TRIM3: variants seen among roughly 807,000 people sequenced by gnomAD.
The protein encoded by TRIM3 is tripartite motif-containing protein 3.
Under a neutral mutation model 66.6 loss-of-function variants are expected in TRIM3, and 13 were observed. The observed-to-expected ratio is 0.20, with a 90% CI of 0.13 to 0.31. The LOEUF (loss-of-function observed/expected upper bound fraction) is 0.31, where lower values mean the gene tolerates loss of function less well. Among genes scored for constraint, TRIM3 ranks in the 10% least tolerant of loss-of-function variants. The probability of loss-of-function intolerance (pLI) is 1.00; values close to 1 mark genes in which losing one functional copy is unlikely to be tolerated. For missense variants in TRIM3, 711 were observed against 1,020.4 expected (o/e 0.70, Z 4.13); for synonymous variants, 406 against 411.7 (o/e 0.99, Z 0.17).
At chr11:6,466,129 A>G (rs1321584037) in intron 1 of TRIM3, among the ~76,000 whole-genome samples, 1 of 151,942 alleles carries the variant, frequency 6.6e-6, no homozygotes, top group Non-Finnish European at 1.5e-5. Context: ...ACCTCCCCCA[A>G]ATCCTCCTCC....
intron 1 of TRIM3, among the ~76,000 whole-genome samples, chr11:6,469,434 T>A (rs1008470177): frequency 6.6e-5 from 10 of 152,198 alleles, no homozygotes; most frequent in Non-Finnish European, 1.5e-4. Flanking sequence ...AGCTCTTCCA[T>A]CCCACTGTGC....
rs537393745 is a variant in TRIM3, at chr11:6,448,959, C to T, written c.*69G>A. On this transcript the variant is annotated 3_prime_UTR_variant, in exon 12 of 12. Transcript: ENST00000345851. The stretch of plus-strand genomic sequence containing the variant: ...GTGCTGCCAGGTCTGGCCCACCTCC[C>T]AGCCAGACCCTCTTGTCCAATCACC... 6.3e-7 allele frequency: 1 copy of T among 1,586,406 alleles called. No homozygotes were observed. Among genetic ancestry groups the T allele is most frequent in the South Asian group, 1.1e-5 (1 of 89,402 alleles).
chr11:6,450,923 C>G lies in TRIM3; in HGVS notation c.1839G>C (p.Gly613=). ...AGTGGCGGTCAGTGGCCCCACGGCCCCCAAAACGGCCAACCAGTTTGCCAT... is the reference window on the plus strand; with the variant it reads ...AGTGGCGGTCAGTGGCCCCACGGCCGCCAAAACGGCCAACCAGTTTGCCAT... ...QPNGKLVGRF[G]GRGATDRHFA... The change falls in exon 9 of 12, where the codon GGG becomes GGC. Residue 613 remains glycine, a synonymous_variant. Transcript: ENST00000345851. The surrounding 1 kb of genome is among the most constrained non-coding windows in gnomAD (Gnocchi z 4.8). 6.2e-7 allele frequency: 1 copy of G among 1,614,144 alleles called. No individual in the cohort carries two copies.
intron 2 of TRIM3, among the ~76,000 whole-genome samples, chr11:6,464,366 C>A (rs1225071876): frequency 2.0e-5 from 3 of 152,154 alleles, no homozygotes; most frequent in East Asian, 1.9e-4. Flanking sequence ...CTCTTCCAAC[C>A]CCCTTTACCT....
intron 1 of TRIM3, among the ~76,000 whole-genome samples, chr11:6,466,599 T>C (rs1436417769): frequency 6.6e-6 from 1 of 151,878 alleles, no homozygotes; most frequent in African/African-American, 2.4e-5. Flanking sequence ...CTGGGTTTTT[T>C]TTTTTTTTTT....
At chr11:6,454,791 G>A (rs182575269) in intron 7 of TRIM3, among the ~76,000 whole-genome samples, 3 of 152,290 alleles carry the variant, frequency 2.0e-5, no homozygotes, top group African/African-American at 4.8e-5. Context: ...AAAAGCAGGG[G>A]TCAGAGAGTA....
chr11:6,470,569 A>G (rs958626891), intron 1 of TRIM3, among the ~76,000 whole-genome samples: 6 of 152,166 alleles, frequency 3.9e-5, no homozygotes, highest in African/African-American at 9.7e-5. Context: ...GCACCCAGCT[A>G]GAGTTCACTG....
chr11:6,467,800 A>AG (rs887300944), intron 1 of TRIM3, among the ~76,000 whole-genome samples: 2 of 152,014 alleles, frequency 1.3e-5, no homozygotes, highest in African/African-American at 2.4e-5. Flanking sequence ...CCTAAGTTGG[A>AG]GGGGGGGATG....
intron 2 of TRIM3, among the ~76,000 whole-genome samples, chr11:6,462,622 A>G (rs1296853145): frequency 6.6e-6 from 1 of 151,926 alleles, no homozygotes; most frequent in African/African-American, 2.4e-5. Context: ...TTGTTTCCCA[A>G]GCTACTCTGG....
chr11:6,462,886 CATCTCTAAAAAAAAAATAA>C (rs1396171264), intron 2 of TRIM3, among the ~76,000 whole-genome samples: 1 of 151,480 alleles, frequency 6.6e-6, no homozygotes, highest in Non-Finnish European at 1.5e-5. Flanking sequence ...GCAAGACACT[CATCTCTAAAAAAAAAATAA>C]AATTTAAAAA....
rs908152093 is a variant in TRIM3 at position 6,450,284 on chromosome 11, C to T, written c.1941+267G>A. On this transcript the variant is annotated intron_variant, in intron 10 of 11. Transcript: ENST00000345851. This position sits in a 1 kb window ranked among gnomAD's most constrained non-coding sequence, Gnocchi z 4.8. Reference sequence around the variant, plus strand: ...CACCTTCCTATCACAGAATCTATTACATCATATTGTAATTTTTTGGTTACC... The same window carrying T: ...CACCTTCCTATCACAGAATCTATTATATCATATTGTAATTTTTTGGTTACC... 3.5e-5 allele frequency: 18 copies of T among 509,348 alleles called. No individual in the cohort carries two copies. The highest frequency in any genetic ancestry group is 2.1e-4 in the Admixed American group (6 of 29,190). The allele number at this position is 509,348 out of a possible 1,614,324, so 31.6% of individuals were successfully genotyped here.
Position 6,449,458 on chromosome 11 carries a change from AG to A in TRIM3, c.1942-13del, listed in dbSNP as rs1849629675. The A allele has an allele frequency of 1.2e-6, 2 of 1,610,256 alleles. No individual in the cohort carries two copies. Among genetic ancestry groups the A allele is most frequent in the Non-Finnish European group, 1.7e-6 (2 of 1,177,554 alleles). ...TCGGCACTGTACACCTGGCGGGGGAAGGGGCTAGGGACTGGGGACCTGGCCT... is the reference window on the plus strand; with the variant it reads ...TCGGCACTGTACACCTGGCGGGGGAAGGGCTAGGGACTGGGGACCTGGCCT... On this transcript the variant is annotated splice_polypyrimidine_tract_variant and intron_variant, in intron 10 of 11. Transcript: ENST00000345851. The surrounding 1 kb of genome is among the most constrained non-coding windows in gnomAD (Gnocchi z 5.3).
chr11:6,451,552 AT>A (rs1849720858), intron 7 of TRIM3, 114 bp from the exon 8 acceptor site: 2 of 1,176,394 alleles, frequency 1.7e-6, no homozygotes. Flanking sequence ...TTATTCAGTC[AT>A]TCAACAAGCA....
rs1399868679 is a variant in TRIM3 at position 6,458,329 on chromosome 11, G to A, written c.132-33C>T. On this transcript the variant is annotated intron_variant, in intron 2 of 11. Transcript: ENST00000345851. This position sits in a 1 kb window ranked among gnomAD's most constrained non-coding sequence, Gnocchi z 6.2. Reference sequence around the variant, plus strand: ...GGAAGGAGAGTCAAAGAACAGAGTGGGTGGGGTGGCATAAGTGCACCCTTC... The same window carrying A: ...GGAAGGAGAGTCAAAGAACAGAGTGAGTGGGGTGGCATAAGTGCACCCTTC... 25 of 1,578,572 alleles carry A rather than the reference G, an allele frequency of 1.6e-5. No homozygotes were observed. In the East Asian group the frequency reaches 5.6e-4, roughly 36 times the overall value.
At chr11:6,473,339 G>A (rs1285284988) in intron 1 of TRIM3, 1 of 139,570 alleles carries the variant, frequency 7.2e-6, no homozygotes, top group East Asian at 2.4e-4. Flanking sequence ...TGGTGGGCCT[G>A]TGGGTACCAG....
intron 7 of TRIM3, among the ~76,000 whole-genome samples, chr11:6,453,987 G>C (rs1849855853): frequency 2.0e-5 from 3 of 152,180 alleles, no homozygotes; most frequent in Admixed American, 6.5e-5. Flanking sequence ...ATAGAGGGCA[G>C]GTGGAAGTAG....
chr11:6,451,078 C>A lies in TRIM3; in HGVS notation c.1702-18G>T. The A allele has an allele frequency of 6.2e-7, 1 of 1,613,034 alleles. No individual in the cohort carries two copies. Among genetic ancestry groups the A allele is most frequent in the Non-Finnish European group, 8.5e-7 (1 of 1,179,088 alleles). On this transcript the variant is annotated intron_variant, in intron 8 of 11. Transcript: ENST00000345851. ...ATCTTGGTCTGGAGGAAGAGAATATCCATAAGAGGCTTTATTCTGACAGTG... is the reference window on the plus strand; with the variant it reads ...ATCTTGGTCTGGAGGAAGAGAATATACATAAGAGGCTTTATTCTGACAGTG...
In TRIM3 at chr11:6,458,263, C is replaced by G; in HGVS notation, c.165G>C (p.Leu55=). 6.2e-7 allele frequency: 1 copy of G among 1,614,144 alleles called. No individual in the cohort carries two copies. The highest frequency in any genetic ancestry group is 8.5e-7 in the Non-Finnish European group (1 of 1,179,984). The part of the protein sequence containing the change: ...CLQNYIPAQS[L]TLSCPVCRQT... Reference sequence around the variant, plus strand: ...GCCGGCATACTGGACAGGATAGCGTCAGGCTCTGGGCAGGGATATAGTTTT... The same window carrying G: ...GCCGGCATACTGGACAGGATAGCGTGAGGCTCTGGGCAGGGATATAGTTTT... Residue 55 remains leucine, a synonymous_variant, in exon 3 of 12, where the codon CTG becomes CTC. Coordinates refer to ENST00000345851, the MANE Select transcript of TRIM3 (RefSeq NM_033278.4). The surrounding 1 kb of genome is among the most constrained non-coding windows in gnomAD (Gnocchi z 6.2).
Position 6,451,076 on chromosome 11 carries a change from A to G in TRIM3, c.1702-16T>C. On this transcript the variant is annotated splice_polypyrimidine_tract_variant and intron_variant, in intron 8 of 11. Coordinates refer to ENST00000345851, the MANE Select transcript of TRIM3 (RefSeq NM_033278.4). ...CAATCTTGGTCTGGAGGAAGAGAATATCCATAAGAGGCTTTATTCTGACAG... is the reference window on the plus strand; with the variant it reads ...CAATCTTGGTCTGGAGGAAGAGAATGTCCATAAGAGGCTTTATTCTGACAG... 6.2e-7 allele frequency: 1 copy of G among 1,613,716 alleles called. No homozygotes were observed.
Sources: gnomAD v4.1 joint callset for allele counts (sites outside exome capture counted in the v4.1 genomes callset) on GRCh38, gnomAD v4.1.1 for gene constraint, Gnocchi (gnomAD v3.1) non-coding constraint, MANE v1.5 for transcripts, NCBI Gene and HGNC (gene_info 2026-07-23, HGNC 2026-07-21) for gene names.